Variants in CBLB observed in about 807,000 individuals in gnomAD.
CBLB encodes Cbl proto-oncogene B.
A neutral mutation model predicts 104.9 loss-of-function variants in CBLB; 31 were observed. That is an observed-to-expected ratio of 0.30 (90% confidence interval 0.22 to 0.40). The LOEUF is 0.40. CBLB is among the 10% of genes least tolerant of loss of function. The pLI is 1.00. For synonymous variants in CBLB, 440 were observed against 422.6 expected (o/e 1.04, Z -0.51); for missense variants, 1,062 against 1,214.6 (o/e 0.87, Z 1.87).
In CBLB at chr3:105,741,334, G is replaced by A. The variant is rs544268279; in HGVS notation, c.846-703C>T. On this transcript the variant is annotated intron_variant, in intron 6 of 18. Transcript: ENST00000394030. ...CTCCTGAGTAGCTGGGACTACAGGC[G>A]TGTGCCACGACGCCCAGCTAATTTT... Among the ~76,000 whole-genome samples, 13 of 151,936 alleles carry A rather than the reference G, an allele frequency of 8.6e-5. No homozygotes were observed. The South Asian group carries it at 2.3e-3, about 27-fold the overall frequency.
At chr3:105,762,240 A>G (rs2077714104) in intron 4 of CBLB, 1 of 152,190 alleles carries the variant, frequency 6.6e-6, no homozygotes, top group Admixed American at 6.5e-5. Flanking sequence ...ACAATGTGAT[A>G]AAAAAGAAAA....
chr3:105,719,953 C>G (rs1421611583), intron 10 of CBLB, 94 bp downstream of exon 10: 20 of 977,830 alleles, frequency 2.0e-5, no homozygotes, highest in Non-Finnish European at 2.9e-5. Context: ...CTTTTCTAAA[C>G]TCAAATACGC....
rs2082881925 is a variant in CBLB at position 105,801,662 on chromosome 3, T to C, written c.420-25120A>G. ...GGACTTCCTAAAACAGGCTGGGCCT[T>C]GCCCACCGCCCATTTTGAAGATTCC... On this transcript the variant is annotated intron_variant, in intron 3 of 18. Transcript: ENST00000394030. 3.9e-5 allele frequency among the ~76,000 whole-genome samples: 6 copies of C among 152,380 alleles called. 1 individual carries two copies. The South Asian group carries it at 1.2e-3, about 32-fold the overall frequency.
intron 17 of CBLB, among the ~76,000 whole-genome samples, chr3:105,676,275 T>G (rs1192295393): frequency 6.6e-6 from 1 of 152,206 alleles, no homozygotes; most frequent in Non-Finnish European, 1.5e-5. Context: ...ACTAGTAATT[T>G]TTTTTAGCAA....
At chr3:105,795,410 G>A (rs1429670106) in intron 3 of CBLB, among the ~76,000 whole-genome samples, 2 of 152,160 alleles carry the variant, frequency 1.3e-5, no homozygotes, top group Admixed American at 1.3e-4. Flanking sequence ...CAGATACTTA[G>A]TTAGATATGT....
intron 12 of CBLB, 51 bp from the exon 13 acceptor site, chr3:105,693,639 C>T (rs377032256): frequency 4.2e-5 from 52 of 1,238,434 alleles, no homozygotes; most frequent in Middle Eastern, 2.4e-4. Flanking sequence ...TCTGAAGGAC[C>T]TTAAAGCCAT....
chr3:105,828,605 C>A (rs1385446093), intron 3 of CBLB, among the ~76,000 whole-genome samples: 1 of 152,104 alleles, frequency 6.6e-6, no homozygotes, highest in Non-Finnish European at 1.5e-5. Context: ...TTTAGTTCCA[C>A]ACATTTTTTT....
rs1020266714 is a variant in CBLB, at chr3:105,656,957, A to G, written c.*2013T>C. The stretch of plus-strand genomic sequence containing the variant: ...TCATAAAGCAAAAGAAAATTTGCCA[A>G]TGCAATTTTAAAAGTGTAAGAAACT... On this transcript the variant is annotated 3_prime_UTR_variant, in exon 19 of 19. Transcript: ENST00000394030. 9.1e-6 allele frequency: 2 copies of G among 219,312 alleles called. No individual in the cohort carries two copies. Among genetic ancestry groups the G allele is most frequent in the South Asian group, 3.7e-4 (2 of 5,410 alleles). 13.6% of individuals were successfully genotyped at this position (219,312 alleles called of 1,614,324 possible).
At chr3:105,807,021 C>T (rs2083594995) in intron 3 of CBLB, among the ~76,000 whole-genome samples, 1 of 152,174 alleles carries the variant, frequency 6.6e-6, no homozygotes, top group Admixed American at 6.6e-5. Context: ...CCACTCACCG[C>T]TATCTAACTA....
chr3:105,792,956 C>T (rs2081859637), intron 3 of CBLB, among the ~76,000 whole-genome samples: 1 of 152,140 alleles, frequency 6.6e-6, no homozygotes, highest in Non-Finnish European at 1.5e-5. Context: ...TCCAAATGCA[C>T]CACTAAGATG....
At chr3:105,682,122 TAGAACC>T in intron 14 of CBLB, 1 of 290,568 alleles carries the variant, frequency 3.4e-6, no homozygotes, top group East Asian at 7.3e-5. Context: ...AAGAATTCAA[TAGAACC>T]TGGTCAAGTT....
intron 10 of CBLB, among the ~76,000 whole-genome samples, chr3:105,709,718 A>T (rs957083056): frequency 1.3e-5 from 2 of 151,916 alleles, no homozygotes; most frequent in Non-Finnish European, 2.9e-5. Context: ...CTTTAACCAT[A>T]TATGTGCTAG....
chr3:105,796,266 A>C (rs2082247450), intron 3 of CBLB, among the ~76,000 whole-genome samples: 2 of 152,172 alleles, frequency 1.3e-5, no homozygotes, highest in Non-Finnish European at 2.9e-5. Context: ...ATGGAACAGA[A>C]TAGACAGCCC....
Position 105,656,285 on chromosome 3 carries a change from TA to T in CBLB, c.*2684del, listed in dbSNP as rs3215309. ...TTATGTATTATATGAAATGCTGACT[TA>T]AAAAAAAATTGTTACCAAATCTTGA... On this transcript the variant is annotated 3_prime_UTR_variant, in exon 19 of 19. Coordinates refer to ENST00000394030, the MANE Select transcript of CBLB (RefSeq NM_170662.5). 0.18 allele frequency: 38,451 copies of T among 208,288 alleles called. 4,981 individuals are homozygous for T. Among genetic ancestry groups the T allele is most frequent in the East Asian group, 0.57 (7,722 of 13,466 alleles). The allele number at this position is 208,288 out of a possible 1,614,324, so 12.9% of individuals were successfully genotyped here. A position where few individuals can be genotyped will look rare whatever the true frequency, so the allele number is the denominator to read the frequency against.
intron 13 of CBLB, among the ~76,000 whole-genome samples, chr3:105,686,216 A>G (rs2152740206): frequency 6.6e-6 from 1 of 152,314 alleles, no homozygotes; most frequent in East Asian, 1.9e-4. Context: ...AATAAAACAA[A>G]CCCAAACAAA....
chr3:105,660,960 C>T (rs948185438), intron 18 of CBLB, among the ~76,000 whole-genome samples: 2 of 134,868 alleles, frequency 1.5e-5, no homozygotes, highest in Admixed American at 8.2e-5. Flanking sequence ...AATAGGATGT[C>T]TTCTTCTTTT....
At chr3:105,752,576 A>G (rs1288725290) in intron 4 of CBLB, among the ~76,000 whole-genome samples, 1 of 152,232 alleles carries the variant, frequency 6.6e-6, no homozygotes, top group Non-Finnish European at 1.5e-5. Context: ...CTTATAAGAT[A>G]GCAAATATTT....
At chr3:105,678,057 T>G (rs1255145606) in intron 17 of CBLB, among the ~76,000 whole-genome samples, 1 of 152,152 alleles carries the variant, frequency 6.6e-6, no homozygotes, top group East Asian at 1.9e-4. Flanking sequence ...TTTAAAAACC[T>G]ATTAAAAAAC....
At chr3:105,808,143 G>C (rs546303025) in intron 3 of CBLB, among the ~76,000 whole-genome samples, 1 of 152,196 alleles carries the variant, frequency 6.6e-6, no homozygotes, top group East Asian at 1.9e-4. Flanking sequence ...ATAAAACCAA[G>C]ATGAAAAGTA....
Sources: gnomAD v4.1 joint callset for allele counts (sites outside exome capture counted in the v4.1 genomes callset) on GRCh38, gnomAD v4.1.1 for gene constraint, MANE v1.5 for transcripts, NCBI Gene and HGNC (gene_info 2026-07-23, HGNC 2026-07-21) for gene names.